Variants in RSU1 observed in about 807,000 individuals in gnomAD.
RSU1 encodes Ras suppressor protein 1, also known as rsu-1.
A neutral mutation model predicts 31.1 loss-of-function variants in RSU1; 26 were observed. The ratio of observed to expected loss-of-function variants is 0.84; its 90% CI spans 0.61 to 1.16. The LOEUF (loss-of-function observed/expected upper bound fraction) is 1.16, where lower values mean the gene tolerates loss of function less well. RSU1 is among the 50% of genes most tolerant of loss of function. The pLI, the probability that RSU1 is intolerant of heterozygous loss-of-function variation, is 0.00. For missense variants in RSU1, 320 were observed against 339.1 expected (o/e 0.94, Z 0.44); for synonymous variants, 164 against 136.3 (o/e 1.20, Z -1.41).
intron 2 of RSU1, among the ~76,000 whole-genome samples, chr10:16,795,797 C>T (rs1290711799): frequency 6.6e-6 from 1 of 152,180 alleles, no homozygotes; most frequent in East Asian, 1.9e-4. Context: ...GCACACTTTG[C>T]ATTTCAGAAA....
At chr10:16,723,863 A>G (rs112501073) in intron 7 of RSU1, among the ~76,000 whole-genome samples, 1 of 152,228 alleles carries the variant, frequency 6.6e-6, no homozygotes, top group Admixed American at 6.5e-5. Flanking sequence ...GTAAATATTC[A>G]CCATGTTAGT....
chr10:16,777,179 AC>A (rs1222458390), intron 3 of RSU1, among the ~76,000 whole-genome samples: 2 of 152,204 alleles, frequency 1.3e-5, no homozygotes, highest in South Asian at 2.1e-4. Flanking sequence ...ATAAATATGC[AC>A]AAAATACACA....
At chr10:16,636,981 A>G (rs550188960) in intron 8 of RSU1, among the ~76,000 whole-genome samples, 1 of 152,222 alleles carries the variant, frequency 6.6e-6, no homozygotes, top group Non-Finnish European at 1.5e-5. Context: ...TCCCTTTTGT[A>G]AGAAACAGGC....
Position 16,709,085 on chromosome 10 carries a change from G to A in RSU1, c.599-13930C>T, listed in dbSNP as rs1835965009. Among the ~76,000 whole-genome samples the A allele has an allele frequency of 2.0e-5, 3 of 151,498 alleles. No individual in the cohort carries two copies. The South Asian group carries it at 6.3e-4, about 32-fold the overall frequency. On this transcript the variant is annotated intron_variant, in intron 7 of 8. Coordinates refer to ENST00000345264, the MANE Select transcript of RSU1 (RefSeq NM_012425.4). ...ATGTATACATGTGCCATGCTGGTGT[G>A]TTACACCCATTAACTCGTCATTTAG...
chr10:16,679,148 T>A (rs1232305690), intron 8 of RSU1, among the ~76,000 whole-genome samples: 3 of 152,146 alleles, frequency 2.0e-5, no homozygotes, highest in Admixed American at 6.5e-5. Context: ...CCAAAAACAA[T>A]GAACTGTATA....
intron 3 of RSU1, among the ~76,000 whole-genome samples, chr10:16,771,554 ATCT>A (rs1196197805): frequency 1.3e-5 from 2 of 152,210 alleles, no homozygotes; most frequent in Non-Finnish European, 2.9e-5. Context: ...ATAAAGAAGA[ATCT>A]TCTCACTCTC....
At chr10:16,761,044 C>T (rs1347554287) in intron 4 of RSU1, among the ~76,000 whole-genome samples, 2 of 152,134 alleles carry the variant, frequency 1.3e-5, no homozygotes, top group Admixed American at 1.3e-4. Flanking sequence ...TGGGTTCAAA[C>T]GATTCTCCTG....
At chr10:16,645,731 C>T (rs985057617) in intron 8 of RSU1, among the ~76,000 whole-genome samples, 1 of 150,646 alleles carries the variant, frequency 6.6e-6, no homozygotes. Flanking sequence ...CACTTGAACT[C>T]GGGAGGCGGA....
intron 8 of RSU1, among the ~76,000 whole-genome samples, chr10:16,607,870 G>T (rs964933832): frequency 5.3e-5 from 8 of 152,094 alleles, no homozygotes; most frequent in African/African-American, 1.9e-4. Flanking sequence ...TATAATTATC[G>T]TGAGTTTTTT....
intron 7 of RSU1, among the ~76,000 whole-genome samples, chr10:16,709,993 A>G (rs1254179349): frequency 1.3e-5 from 2 of 152,066 alleles, no homozygotes; most frequent in African/African-American, 2.4e-5. Context: ...CTCTTTTCCA[A>G]TTTGGATGCC....
intron 2 of RSU1, among the ~76,000 whole-genome samples, chr10:16,808,094 C>T (rs1838314643): frequency 1.3e-5 from 2 of 151,806 alleles, no homozygotes; most frequent in South Asian, 4.2e-4. Flanking sequence ...GTCACCTCTC[C>T]TTGGCATCCA....
chr10:16,808,583 C>A (rs559196265), intron 2 of RSU1, among the ~76,000 whole-genome samples: 1 of 151,564 alleles, frequency 6.6e-6, no homozygotes, highest in South Asian at 2.1e-4. Context: ...TCTACTTTCT[C>A]ATCTATAAAA....
Position 16,613,217 on chromosome 10 carries a change from A to T in RSU1, c.732-19721T>A, listed in dbSNP as rs73601025. Among the ~76,000 whole-genome samples the T allele has an allele frequency of 8.9e-3, 1,362 of 152,304 alleles. 21 individuals carry two copies. The highest frequency in any genetic ancestry group is 0.031 in the African/African-American group (1,299 of 41,564). ...CAAAGCTGGAACTCTTCCATTTTTT[A>T]AAAAAGCCAATATGAAAAATTCATT... On this transcript the variant is annotated intron_variant, in intron 8 of 8. Transcript: ENST00000345264.
intron 2 of RSU1, among the ~76,000 whole-genome samples, chr10:16,815,404 C>T (rs1254466257): frequency 6.6e-6 from 1 of 152,214 alleles, no homozygotes; most frequent in African/African-American, 2.4e-5. Context: ...CGTGAATTCA[C>T]AGTAAACCTG....
chr10:16,784,235 C>T (rs1321683721), intron 2 of RSU1, among the ~76,000 whole-genome samples: 1 of 152,026 alleles, frequency 6.6e-6, no homozygotes, highest in Non-Finnish European at 1.5e-5. Context: ...GCTCACAGCA[C>T]CATTCTTGCT....
chr10:16,714,752 A>C (rs1195720547), intron 7 of RSU1, among the ~76,000 whole-genome samples: 2 of 152,058 alleles, frequency 1.3e-5, no homozygotes, highest in African/African-American at 4.8e-5. Flanking sequence ...GGATGAAAAG[A>C]GTCAATTGCT....
chr10:16,792,457 TCCCGACC>T (rs1837943757), intron 2 of RSU1, among the ~76,000 whole-genome samples: 1 of 152,118 alleles, frequency 6.6e-6, no homozygotes, highest in Non-Finnish European at 1.5e-5. Context: ...GGTCTCGAAC[TCCCGACC>T]TCGTGATCCA....
At chr10:16,752,404 T>C in intron 7 of RSU1, 135 bp downstream of exon 7, 1 of 661,508 alleles carries the variant, frequency 1.5e-6, no homozygotes, top group East Asian at 2.7e-5. Context: ...GACAAATGGT[T>C]CTCAAATGAT....
chr10:16,774,502 G>A (rs1398586551), intron 3 of RSU1, among the ~76,000 whole-genome samples: 1 of 152,168 alleles, frequency 6.6e-6, no homozygotes, highest in African/African-American at 2.4e-5. Flanking sequence ...CTCGGGAGAT[G>A]GAGGTTGCAG....
Sources: gnomAD v4.1 joint callset for allele counts (sites outside exome capture counted in the v4.1 genomes callset) on GRCh38, gnomAD v4.1.1 for gene constraint, MANE v1.5 for transcripts, NCBI Gene and HGNC (gene_info 2026-07-23, HGNC 2026-07-21) for gene names.